Variants in USH2A observed in about 807,000 individuals in gnomAD.
USH2A encodes the protein usherin, also known as Usher syndrome 2A (autosomal recessive, mild).
A neutral mutation model predicts 538.9 loss-of-function variants in USH2A; 443 were observed. That is an observed-to-expected ratio of 0.82 (90% confidence interval 0.76 to 0.89). The LOEUF is 0.89. Among genes scored for constraint, USH2A ranks in the 40% least tolerant of loss-of-function variants. The pLI is 0.00. For synonymous variants in USH2A, 2,413 were observed against 2,273.5 expected, an observed-to-expected ratio of 1.06 and a Z score of -1.75; for missense variants, 6,633 against 6,324.8, an observed-to-expected ratio of 1.05 and a Z score of -1.65.
chr1:215,835,498 A>C (rs1663451133), intron 47 of USH2A, among the ~76,000 whole-genome samples: 1 of 152,134 alleles, frequency 6.6e-6, no homozygotes, highest in South Asian at 2.1e-4. Flanking sequence ...CCCTCTGCCT[A>C]GTAGCCCTCA....
chr1:216,305,736 C>T (rs185699565), intron 9 of USH2A, among the ~76,000 whole-genome samples: 65 of 152,092 alleles, frequency 4.3e-4, no homozygotes, highest in Middle Eastern at 6.8e-3. Flanking sequence ...ATTTGTTTGT[C>T]GGAAAAAGAC....
chr1:215,699,833 T>G (rs1321196678), intron 61 of USH2A, among the ~76,000 whole-genome samples: 1 of 152,186 alleles, frequency 6.6e-6, no homozygotes, highest in Non-Finnish European at 1.5e-5. Flanking sequence ...GCCAGAAGTT[T>G]CAATGCCATG....
intron 37 of USH2A, among the ~76,000 whole-genome samples, chr1:215,936,438 C>T (rs567168485): frequency 3.3e-5 from 5 of 152,062 alleles, no homozygotes; most frequent in Non-Finnish European, 7.4e-5. Context: ...TATTCTTTAG[C>T]AATGTGCTCT....
chr1:215,932,481 C>T (rs1052109582), intron 38 of USH2A, among the ~76,000 whole-genome samples: 1 of 151,978 alleles, frequency 6.6e-6, no homozygotes, highest in Non-Finnish European at 1.5e-5. Context: ...GAAGCATGAA[C>T]TAAAACCTAT....
chr1:215,937,318 C>T (rs753405202), intron 37 of USH2A, among the ~76,000 whole-genome samples: 5 of 152,086 alleles, frequency 3.3e-5, no homozygotes, highest in Non-Finnish European at 7.4e-5. Flanking sequence ...ACCTACAAAG[C>T]AGCCTTTGAT....
chr1:215,820,925 CT>C (rs113597900), intron 47 of USH2A, among the ~76,000 whole-genome samples: 1 of 151,624 alleles, frequency 6.6e-6, no homozygotes, highest in Non-Finnish European at 1.5e-5. Context: ...GGAGTTAAGT[CT>C]TTTTTATGGC....
intron 61 of USH2A, among the ~76,000 whole-genome samples, chr1:215,695,642 A>C (rs1391623201): frequency 1.3e-5 from 2 of 152,218 alleles, no homozygotes; most frequent in Admixed American, 1.3e-4. Context: ...ATAGAACCCA[A>C]GCCTGTACAG....
intron 14 of USH2A, among the ~76,000 whole-genome samples, chr1:216,231,587 C>CGGGA (rs1156669788): frequency 3.3e-5 from 5 of 151,156 alleles, no homozygotes; most frequent in Admixed American, 2.6e-4. Flanking sequence ...CTTGCCCTGT[C>CGGGA]TCCCAGGCTG....
intron 15 of USH2A, among the ~76,000 whole-genome samples, chr1:216,214,900 T>A (rs1452880552): frequency 2.0e-5 from 3 of 151,996 alleles, no homozygotes; most frequent in South Asian, 4.2e-4. Context: ...TCATAGATGG[T>A]TGAACTAACT....
intron 41 of USH2A, among the ~76,000 whole-genome samples, chr1:215,886,901 A>G (rs1665071514): frequency 6.6e-6 from 1 of 152,020 alleles, no homozygotes; most frequent in Non-Finnish European, 1.5e-5. Flanking sequence ...TCTGTCGCCC[A>G]GGCTGGAGTG....
chr1:216,108,388 T>A (rs912495969), intron 21 of USH2A, among the ~76,000 whole-genome samples: 2 of 147,868 alleles, frequency 1.4e-5, no homozygotes, highest in South Asian at 4.2e-4. Context: ...GATTTTAAGG[T>A]TTTTATTTCC....
chr1:216,325,900 G>C (rs188734712), intron 5 of USH2A, among the ~76,000 whole-genome samples: 1 of 152,018 alleles, frequency 6.6e-6, no homozygotes, highest in South Asian at 2.1e-4. Flanking sequence ...ATATTTTACC[G>C]TGTCTATTTG....
intron 22 of USH2A, among the ~76,000 whole-genome samples, chr1:216,094,163 T>C (rs930762741): frequency 6.6e-5 from 10 of 152,206 alleles, no homozygotes; most frequent in African/African-American, 2.4e-4. Context: ...GTCTTCTATT[T>C]TACTGTACTC....
intron 49 of USH2A, among the ~76,000 whole-genome samples, chr1:215,810,979 G>T (rs1480495833): frequency 6.6e-6 from 1 of 151,998 alleles, no homozygotes; most frequent in Non-Finnish European, 1.5e-5. Context: ...AAGGTTCTCT[G>T]CCTTGAGAAA....
In USH2A at chr1:216,321,916, G is replaced by T; in HGVS notation, c.1611C>A (p.Leu537=). Residue 537 remains leucine, a synonymous_variant, in exon 9 of 72, where the codon CTC becomes CTA. Coordinates refer to ENST00000307340, the MANE Select transcript of USH2A (RefSeq NM_206933.4). The stretch of plus-strand genomic sequence containing the variant: ...CTTCAGTGAAGCTCTCCTGGGAGCA[G>T]AGGCATCTATATGGCTGGCTTGTTG... ...CDTTSQPYRC[L]CSQESFTEGL... 6.2e-7 allele frequency: 1 copy of T among 1,613,866 alleles called. No individual in the cohort carries two copies. Among genetic ancestry groups the T allele is most frequent in the Middle Eastern group, 1.7e-4 (1 of 6,058 alleles).
intron 21 of USH2A, among the ~76,000 whole-genome samples, chr1:216,152,163 T>C (rs1437759670): frequency 7.2e-5 from 11 of 152,022 alleles, no homozygotes; most frequent in Non-Finnish European, 2.9e-5. Context: ...GCCCCAACAC[T>C]TCAATACTAT....
intron 9 of USH2A, among the ~76,000 whole-genome samples, chr1:216,296,244 A>T (rs1363825327): frequency 6.6e-6 from 1 of 152,076 alleles, no homozygotes; most frequent in Admixed American, 6.6e-5. Flanking sequence ...CCTTTTGGTC[A>T]TTTTACAATG....
intron 9 of USH2A, among the ~76,000 whole-genome samples, chr1:216,294,871 A>C (rs2037073301): frequency 6.6e-6 from 1 of 151,442 alleles, no homozygotes; most frequent in Non-Finnish European, 1.5e-5. Context: ...AAAATTATTC[A>C]TTTTTCTTTA....
chr1:216,396,315 G>T (rs1020693029), intron 3 of USH2A, among the ~76,000 whole-genome samples: 5 of 152,048 alleles, frequency 3.3e-5, no homozygotes, highest in Non-Finnish European at 2.9e-5. Flanking sequence ...AATTCATCAA[G>T]AATTTTCTGA....
Sources: gnomAD v4.1 joint callset for allele counts (sites outside exome capture counted in the v4.1 genomes callset) on GRCh38, gnomAD v4.1.1 for gene constraint, MANE v1.5 for transcripts, NCBI Gene and HGNC (gene_info 2026-07-23, HGNC 2026-07-21) for gene names.